The following SULT6B1 variants were observed in gnomAD, a reference collection of about 807,000 sequenced individuals.
SULT6B1 encodes sulfotransferase family 6B member 1.
A neutral mutation model predicts 37.2 loss-of-function variants in SULT6B1; 44 were observed. That is an observed-to-expected ratio of 1.18 (90% CI 0.93 to 1.52). The LOEUF (loss-of-function observed/expected upper bound fraction) is 1.52, where lower values mean the gene tolerates loss of function less well. Ranked by LOEUF, SULT6B1 falls within the 40% of genes most tolerant of loss-of-function variation. SULT6B1 has a pLI of 0.00. For synonymous variants in SULT6B1, 140 were observed against 126.0 expected, an observed-to-expected ratio of 1.11 and a Z score of -0.74; for missense variants, 450 against 361.0, an observed-to-expected ratio of 1.25 and a Z score of -2.00.
chr2:37,183,342 G>A (rs1676596580), intron 3 of SULT6B1, 83 bp downstream of exon 3: 2 of 1,068,248 alleles, frequency 1.9e-6, no homozygotes, highest in East Asian at 4.8e-5. Context: ...TCTATGAGAA[G>A]GAACAAACTC....
At position 37,179,462 on chromosome 2, in the gene SULT6B1, T is replaced by C. The variant is rs758068823; in HGVS notation, c.525A>G (p.Gly175=). ...WDEFFRQFMK[G]QVSWGRYFDF... The stretch of plus-strand genomic sequence containing the variant: ...TTCTTTTACCAACAGCCATACCTTG[T>C]CCTTTCATGAACTGTCTGAAGAATT... The change falls in exon 4 of 7, where the codon GGA becomes GGG. Residue 175 remains glycine (G), a synonymous_variant. Transcript: ENST00000535679. The C allele has an allele frequency of 1.7e-5, 28 of 1,613,416 alleles. No homozygotes were observed. Among genetic ancestry groups the C allele is most frequent in the Non-Finnish European group, 2.1e-5 (25 of 1,179,972 alleles).
At chr2:37,193,655 A>AAGAAGAAGAAGAAGAAGAAGG (rs1676834134), upstream of SULT6B1, among the ~76,000 whole-genome samples, 1 of 149,416 alleles carries the variant, frequency 6.7e-6, no homozygotes, top group African/African-American at 2.5e-5. Context: ...GAAGAAGGAG[A>AAGAAGAAGAAGAAGAAGAAGG]AGAAGGAGAA....
At chr2:37,178,950 G>C (rs535884067) in intron 4 of SULT6B1, among the ~76,000 whole-genome samples, 1 of 139,594 alleles carries the variant, frequency 7.2e-6, no homozygotes, top group Non-Finnish European at 1.5e-5. Flanking sequence ...GTCCAAATTA[G>C]TTTTTTGTTT....
intron 4 of SULT6B1, among the ~76,000 whole-genome samples, chr2:37,179,146 G>A (rs1415331193): frequency 1.3e-5 from 2 of 152,162 alleles, no homozygotes. Flanking sequence ...TTTTAGTAGA[G>A]ATGGGGTTTC....
In SULT6B1 at chr2:37,179,439, C is replaced by G; in HGVS notation, c.529+19G>C. The G allele has an allele frequency of 1.2e-6, 2 of 1,612,268 alleles. No individual in the cohort carries two copies. Among genetic ancestry groups the G allele is most frequent in the Non-Finnish European group, 1.7e-6 (2 of 1,179,776 alleles). ...GTCATCTGATCAAGTAAGAATAATTCTTTTACCAACAGCCATACCTTGTCC... is the reference window on the plus strand; with the variant it reads ...GTCATCTGATCAAGTAAGAATAATTGTTTTACCAACAGCCATACCTTGTCC... On this transcript the variant is annotated intron_variant, in intron 4 of 6. Transcript: ENST00000535679.
intron 2 of SULT6B1, among the ~76,000 whole-genome samples, chr2:37,185,733 A>C (rs1017168902): frequency 1.1e-4 from 16 of 151,418 alleles, no homozygotes; most frequent in Non-Finnish European, 1.9e-4. Context: ...AAAAAAAAAA[A>C]AAAACAGAGA....
At chr2:37,173,521 G>A (rs1015539947) in intron 5 of SULT6B1, among the ~76,000 whole-genome samples, 8 of 152,126 alleles carry the variant, frequency 5.3e-5, no homozygotes, top group East Asian at 1.9e-4. Flanking sequence ...CAATTAGGAC[G>A]ACTAATAAAC....
At chr2:37,191,981 C>T (rs116152720), upstream of SULT6B1, among the ~76,000 whole-genome samples, 810 of 152,274 alleles carry the variant, frequency 5.3e-3, 11 homozygotes, top group African/African-American at 0.019. Flanking sequence ...CAGGTCGTGG[C>T]ATGGCCGGCC....
At chr2:37,173,319 C>T (rs1411134096) in intron 5 of SULT6B1, among the ~76,000 whole-genome samples, 1 of 152,134 alleles carries the variant, frequency 6.6e-6, no homozygotes, top group Non-Finnish European at 1.5e-5. Context: ...TTTGCTGATT[C>T]CTCCTTTTTT....
At chr2:37,172,332 A>C (rs1432307748) in intron 5 of SULT6B1, among the ~76,000 whole-genome samples, 1 of 152,200 alleles carries the variant, frequency 6.6e-6, no homozygotes. Flanking sequence ...AGAATACAGC[A>C]GTTCCTAAAT....
intron 1 of SULT6B1, chr2:37,194,696 A>G: frequency 4.6e-6 from 1 of 218,404 alleles, no homozygotes; most frequent in Non-Finnish European, 9.4e-6. Context: ...TGATGGCAGA[A>G]TGGTCCATTT....
chr2:37,187,146 T>C (rs1041422984), intron 2 of SULT6B1, among the ~76,000 whole-genome samples: 2 of 152,232 alleles, frequency 1.3e-5, no homozygotes, highest in African/African-American at 4.8e-5. Flanking sequence ...GGCAAGTCCC[T>C]AGCATTTCTA....
At chr2:37,188,047 A>G (rs1676710562) in intron 1 of SULT6B1, among the ~76,000 whole-genome samples, 1 of 152,230 alleles carries the variant, frequency 6.6e-6, no homozygotes, top group Admixed American at 6.5e-5. Flanking sequence ...AATTTATAAC[A>G]TGGAAATCAT....
In SULT6B1 at chr2:37,185,717, C is replaced by CAAAAAA. The variant is rs200087048; in HGVS notation, c.312+1632_312+1637dup. 1.7e-4 allele frequency among the ~76,000 whole-genome samples: 14 copies of CAAAAAA among 83,370 alleles called. 1 individual carries two copies. Among genetic ancestry groups the CAAAAAA allele is most frequent in the Non-Finnish European group, 2.2e-4 (9 of 40,116 alleles). The allele number at this position is 83,370 out of a possible 152,430, so 54.7% of individuals were successfully genotyped here. ...TGGGTGACAGAGTGAGACTCCATTT[C>CAAAAAA]AAAAAAAAAAAAAAAAAAAACAGAG... is the stretch of plus-strand genomic sequence containing the variant. On this transcript the variant is annotated intron_variant, in intron 2 of 6. Coordinates refer to ENST00000535679, the MANE Select transcript of SULT6B1 (RefSeq NM_001367551.1).
chr2:37,172,321 T>C (rs750115465), intron 5 of SULT6B1, among the ~76,000 whole-genome samples: 11 of 152,180 alleles, frequency 7.2e-5, no homozygotes, highest in Non-Finnish European at 1.5e-4. Context: ...GAGCAGGCTA[T>C]AGAATACAGC....
At position 37,173,245 on chromosome 2, in the gene SULT6B1, A is replaced by T. The variant is rs1676343995; in HGVS notation, c.625-1655T>A. ...AGCACTTGATACTCCCTTCTCTTTA[A>T]CATGCTTTCTCCACAGGATTCTGCT... On this transcript the variant is annotated intron_variant, in intron 5 of 6. Coordinates refer to ENST00000535679, the MANE Select transcript of SULT6B1 (RefSeq NM_001367551.1). Among the ~76,000 whole-genome samples the T allele has an allele frequency of 2.6e-5, 4 of 152,252 alleles. No homozygotes were observed. The South Asian group carries it at 8.3e-4, about 32-fold the overall frequency.
chr2:37,171,470 T>C lies in SULT6B1; in HGVS notation c.745A>G (p.Thr249Ala). 2 of 1,614,160 alleles carry C rather than the reference T, an allele frequency of 1.2e-6. No individual in the cohort carries two copies. Among genetic ancestry groups the C allele is most frequent in the Non-Finnish European group, 1.7e-6 (2 of 1,180,020 alleles). ...AGGAATGGGCCGACAGCACCGTGTG[T>C]GTCCTGAGACTTCGCACGCATGGCT... Reference protein sequence around the residue: ...FQAMRAKSQDTHGAVGPFLFR... With the variant: ...FQAMRAKSQDAHGAVGPFLFR... The change falls in exon 6 of 7, where the codon ACA (threonine) becomes GCA (alanine). Residue 249 changes from threonine (T) to alanine (A), a missense_variant. Coordinates refer to ENST00000535679, the MANE Select transcript of SULT6B1 (RefSeq NM_001367551.1).
At chr2:37,182,055 A>G (rs1676563229) in intron 3 of SULT6B1, among the ~76,000 whole-genome samples, 1 of 152,104 alleles carries the variant, frequency 6.6e-6, no homozygotes, top group Admixed American at 6.6e-5. Context: ...GGATTCTTGT[A>G]TCACAGCCAC....
intron 5 of SULT6B1, 117 bp from the exon 6 acceptor site, chr2:37,171,707 C>T: frequency 1.2e-6 from 1 of 846,384 alleles, no homozygotes; most frequent in South Asian, 1.9e-5. Flanking sequence ...ATCTCATCCC[C>T]CACTTTAAAC....
Sources: gnomAD v4.1 joint callset for allele counts (sites outside exome capture counted in the v4.1 genomes callset) on GRCh38, gnomAD v4.1.1 for gene constraint, MANE v1.5 for transcripts, NCBI Gene and HGNC (gene_info 2026-07-23, HGNC 2026-07-21) for gene names.